Variants in NRG4 observed in about 807,000 individuals in gnomAD.
NRG4 encodes the protein neuregulin 4.
In NRG4, 10 loss-of-function variants were observed where a neutral mutation model predicts 15.0. The observed-to-expected ratio is 0.67, with a 90% CI of 0.41 to 1.13. NRG4 has a LOEUF of 1.13. Among genes scored for constraint, NRG4 ranks in the 50% most tolerant of loss-of-function variants. The pLI, the probability that NRG4 is intolerant of heterozygous loss-of-function variation, is 0.00. For missense variants in NRG4, 139 were observed against 140.2 expected, an observed-to-expected ratio of 0.99 and a Z score of 0.04; for synonymous variants, 41 against 50.1, an observed-to-expected ratio of 0.82 and a Z score of 0.77.
chr15:76,051,869 C>A (rs950803331), intron 4 of NRG4, among the ~76,000 whole-genome samples: 4 of 150,872 alleles, frequency 2.7e-5, no homozygotes, highest in African/African-American at 9.9e-5. Context: ...CCGTGCCCAG[C>A]CTAATTGAAC....
chr15:76,027,497 A>AATATAT lies in NRG4; in HGVS notation c.-57+8441_-57+8446dup, dbSNP rs71444947. Among the ~76,000 whole-genome samples, 731 of 148,742 alleles carry AATATAT rather than the reference A, an allele frequency of 4.9e-3. 4 individuals carry two copies. Among genetic ancestry groups the AATATAT allele is most frequent in the African/African-American group, 0.012 (474 of 40,630 alleles). ...ATTCAGCAAGAGAATATAACAGTCA[A>AATATAT]ATATATATATATATATATATGCACC... On this transcript the variant is annotated intron_variant, in intron 5 of 8. Transcript: ENST00000563910.
At chr15:76,047,953 C>A (rs2141961228) in intron 4 of NRG4, among the ~76,000 whole-genome samples, 1 of 150,492 alleles carries the variant, frequency 6.6e-6, no homozygotes, top group South Asian at 2.1e-4. Context: ...CCCAGGAGTT[C>A]AAGACCAGCC....
chr15:75,946,230 T>C (rs2031496732), intron 5 of NRG4, among the ~76,000 whole-genome samples: 1 of 152,266 alleles, frequency 6.6e-6, no homozygotes, highest in African/African-American at 2.4e-5. Flanking sequence ...TTTCCGTTTA[T>C]ATTTCAGACC....
chr15:75,955,387 C>T (rs1394055849), intron 5 of NRG4, among the ~76,000 whole-genome samples: 1 of 152,148 alleles, frequency 6.6e-6, no homozygotes, highest in Non-Finnish European at 1.5e-5. Flanking sequence ...TCTCTCAGGG[C>T]TCATGGTTCC....
intron 3 of NRG4, among the ~76,000 whole-genome samples, chr15:75,982,567 T>C: frequency 6.6e-6 from 1 of 152,034 alleles, no homozygotes; most frequent in East Asian, 1.9e-4. Flanking sequence ...GAAAAGCAAA[T>C]ACCTGAAGGT....
chr15:76,014,154 T>A (rs552974933), upstream of NRG4, among the ~76,000 whole-genome samples: 5 of 152,376 alleles, frequency 3.3e-5, no homozygotes, highest in Admixed American at 1.3e-4. Flanking sequence ...TTGAAGACTG[T>A]CTGTTCATAT....
At chr15:76,024,712 A>G (rs2035256804) in intron 5 of NRG4, among the ~76,000 whole-genome samples, 1 of 152,214 alleles carries the variant, frequency 6.6e-6, no homozygotes, top group South Asian at 2.1e-4. Flanking sequence ...CAGCAAAGCC[A>G]CACCACCACT....
intron 1 of NRG4, among the ~76,000 whole-genome samples, chr15:76,058,760 A>C (rs1453711840): frequency 1.3e-5 from 2 of 152,322 alleles, no homozygotes; most frequent in East Asian, 3.9e-4. Flanking sequence ...AAATCGCAAC[A>C]CCCTATAGGA....
rs553287117 is a variant in NRG4 at position 76,011,840 on chromosome 15, G to A, written c.-57+479C>T. On this transcript the variant is annotated intron_variant, in intron 1 of 5. Coordinates refer to ENST00000394907, the MANE Select transcript of NRG4 (RefSeq NM_138573.4). ...CCTGCACGTCCTGCACATCTATCCC[G>A]GAACTTAAAATTAAATTTAAAAAAG... 3.0e-3 allele frequency among the ~76,000 whole-genome samples: 459 copies of A among 151,694 alleles called. 4 individuals are homozygous for A. Among genetic ancestry groups the A allele is most frequent in the Non-Finnish European group, 4.1e-3 (278 of 67,954 alleles).
chr15:76,050,441 T>TTG (rs1555441804), intron 4 of NRG4, among the ~76,000 whole-genome samples: 1 of 134,338 alleles, frequency 7.4e-6, no homozygotes, highest in African/African-American at 3.1e-5. Flanking sequence ...GCCTTCGTTT[T>TTG]TTTTTTTTTT....
chr15:75,935,677 AC>A (rs2030267920), downstream of NRG4: 1 of 151,250 alleles, frequency 6.6e-6, no homozygotes, highest in Admixed American at 6.6e-5. Context: ...GCAAACCCTA[AC>A]CCTCAACCTA....
chr15:76,024,574 G>C (rs979416831), intron 5 of NRG4, among the ~76,000 whole-genome samples: 8 of 152,174 alleles, frequency 5.3e-5, no homozygotes, highest in African/African-American at 1.9e-4. Flanking sequence ...ACCTCAGACT[G>C]GCTGAGCAAC....
intron 5 of NRG4, among the ~76,000 whole-genome samples, chr15:75,949,747 AT>A (rs1194858711): frequency 6.6e-6 from 1 of 151,900 alleles, no homozygotes; most frequent in Non-Finnish European, 1.5e-5. Flanking sequence ...CCCATTTTGA[AT>A]TTTTTTTGTG....
At chr15:76,023,809 A>C (rs1025719752) in intron 5 of NRG4, among the ~76,000 whole-genome samples, 2 of 152,184 alleles carry the variant, frequency 1.3e-5, no homozygotes, top group African/African-American at 2.4e-5. Context: ...AGGGAAACCA[A>C]TTCCCACTGC....
At chr15:76,007,291 C>A (rs2034638189) in intron 3 of NRG4, among the ~76,000 whole-genome samples, 1 of 152,014 alleles carries the variant, frequency 6.6e-6, no homozygotes, top group South Asian at 2.1e-4. Context: ...CAGAAATAGA[C>A]CTGCACATAA....
chr15:75,967,073 C>T (rs185557252), intron 3 of NRG4, among the ~76,000 whole-genome samples: 21 of 148,114 alleles, frequency 1.4e-4, no homozygotes, highest in African/African-American at 3.8e-4. Flanking sequence ...GAGATCGCGC[C>T]GCTGCACTCC....
At chr15:75,968,878 T>C (rs928414315) in intron 3 of NRG4, among the ~76,000 whole-genome samples, 3 of 152,356 alleles carry the variant, frequency 2.0e-5, no homozygotes, top group East Asian at 1.9e-4. Context: ...TATCTATACA[T>C]AGAAATTGCT....
At chr15:75,996,502 A>C (rs1261992007) in intron 3 of NRG4, among the ~76,000 whole-genome samples, 1 of 152,188 alleles carries the variant, frequency 6.6e-6, no homozygotes, top group Non-Finnish European at 1.5e-5. Flanking sequence ...CAGTGAAATA[A>C]AGAGATACAA....
At chr15:75,989,058 A>G (rs2141866802) in intron 3 of NRG4, among the ~76,000 whole-genome samples, 1 of 151,916 alleles carries the variant, frequency 6.6e-6, no homozygotes. Flanking sequence ...GGGTCTCACT[A>G]TGTTGTCCAG....
Sources: gnomAD v4.1 joint callset for allele counts (sites outside exome capture counted in the v4.1 genomes callset) on GRCh38, gnomAD v4.1.1 for gene constraint, MANE v1.5 for transcripts, NCBI Gene and HGNC (gene_info 2026-07-23, HGNC 2026-07-21) for gene names.